The following ELP4 variants were observed in gnomAD, a reference collection of about 807,000 sequenced individuals.
The protein encoded by ELP4 is elongator acetyltransferase complex subunit 4, also known as elongator complex protein 4.
ELP4 carries 51 observed loss-of-function variants against 48.9 expected under a neutral mutation model. The observed-to-expected ratio is 1.04, with a 90% CI of 0.83 to 1.32. The LOEUF is 1.32. Among genes scored for constraint, ELP4 ranks in the 40% most tolerant of loss-of-function variants. The pLI is 0.00. For missense variants in ELP4, 519 were observed against 514.6 expected (o/e 1.01, Z -0.08); for synonymous variants, 210 against 189.2 (o/e 1.11, Z -0.90).
At chr11:31,674,984 A>C (rs919355367) in intron 9 of ELP4, among the ~76,000 whole-genome samples, 1 of 152,162 alleles carries the variant, frequency 6.6e-6, no homozygotes, top group Non-Finnish European at 1.5e-5. Flanking sequence ...GCATGTTTGT[A>C]CACAACGTGG....
chr11:31,692,315 A>C (rs2134140395), intron 9 of ELP4, among the ~76,000 whole-genome samples: 1 of 152,310 alleles, frequency 6.6e-6, no homozygotes, highest in African/African-American at 2.4e-5. Flanking sequence ...AGGAAATTGA[A>C]AGATACAATA....
At chr11:31,530,343 G>T (rs2973128) in intron 2 of ELP4, among the ~76,000 whole-genome samples, 2,335 of 152,228 alleles carry the variant, frequency 0.015, 51 homozygotes, top group African/African-American at 0.054. Context: ...CATTTCATAT[G>T]TACGTAACAA....
Position 31,627,156 on chromosome 11 carries a change from A to G in ELP4, c.700A>G (p.Ile234Val), listed in dbSNP as rs1944761701. 3 of 1,603,474 alleles carry G rather than the reference A, an allele frequency of 1.9e-6. No homozygotes were observed. The highest frequency in any genetic ancestry group is 1.7e-5 in the Admixed American group (1 of 59,240). The change falls in exon 6 of 10, where the codon ATC becomes GTC. Residue 234 changes from isoleucine to valine, a missense_variant. Transcript: ENST00000640961. ...YTKLLQFIQN[I>V]IYEEGFDGSN... ...AAAGCTGCTTCAGTTTATCCAGAAC[A>G]TCATTTATGAGGAAGGATTTGATGG...
chr11:31,579,178 G>T (rs1445889527), intron 3 of ELP4, among the ~76,000 whole-genome samples: 2 of 152,246 alleles, frequency 1.3e-5, no homozygotes, highest in Non-Finnish European at 2.9e-5. Context: ...ACAGACACAT[G>T]AAAAAATGCT....
chr11:31,581,874 T>C (rs1957398948), intron 3 of ELP4, among the ~76,000 whole-genome samples: 1 of 151,982 alleles, frequency 6.6e-6, no homozygotes, highest in Non-Finnish European at 1.5e-5. Flanking sequence ...CCACTCTGCC[T>C]TCCGAGTAGC....
At chr11:31,540,292 A>G (rs1432857032) in intron 3 of ELP4, among the ~76,000 whole-genome samples, 1 of 152,238 alleles carries the variant, frequency 6.6e-6, no homozygotes, top group East Asian at 1.9e-4. Flanking sequence ...TTGAATTTTC[A>G]GCCTGAAACT....
intron 9 of ELP4, among the ~76,000 whole-genome samples, chr11:31,755,134 T>G (rs1947806548): frequency 6.6e-6 from 1 of 152,102 alleles, no homozygotes; most frequent in Non-Finnish European, 1.5e-5. Context: ...CTGAAATAGC[T>G]CCTAATGACC....
At chr11:31,665,522 T>C (rs948095675) in intron 9 of ELP4, among the ~76,000 whole-genome samples, 3 of 152,090 alleles carry the variant, frequency 2.0e-5, no homozygotes, top group African/African-American at 7.2e-5. Flanking sequence ...TATTTATGCT[T>C]TCTAAAATAT....
chr11:31,700,019 G>A (rs1223189698), intron 9 of ELP4, among the ~76,000 whole-genome samples: 2 of 152,056 alleles, frequency 1.3e-5, no homozygotes, highest in Non-Finnish European at 2.9e-5. Flanking sequence ...TTTGAATGAT[G>A]TCTGTAGATT....
chr11:31,667,111 A>G (rs1945696822), intron 9 of ELP4, among the ~76,000 whole-genome samples: 1 of 152,224 alleles, frequency 6.6e-6, no homozygotes, highest in African/African-American at 2.4e-5. Flanking sequence ...TAAGTTTATT[A>G]TAAAATGCAG....
chr11:31,574,669 A>T (rs905057097), intron 3 of ELP4, among the ~76,000 whole-genome samples: 3 of 152,200 alleles, frequency 2.0e-5, no homozygotes, highest in African/African-American at 4.8e-5. Flanking sequence ...ACTCAGGCAA[A>T]CAGGGTCTGG....
intron 9 of ELP4, among the ~76,000 whole-genome samples, chr11:31,709,736 A>T (rs866754922): frequency 2.4e-4 from 37 of 152,206 alleles, no homozygotes; most frequent in African/African-American, 8.9e-4. Flanking sequence ...TGAATTGCCT[A>T]ATACAATAAC....
chr11:31,574,601 C>G (rs1957240490), intron 3 of ELP4, among the ~76,000 whole-genome samples: 1 of 152,176 alleles, frequency 6.6e-6, no homozygotes, highest in South Asian at 2.1e-4. Flanking sequence ...GAGGAAGGAT[C>G]AGACAGCAAC....
intron 3 of ELP4, among the ~76,000 whole-genome samples, chr11:31,577,111 C>T (rs1220425357): frequency 6.6e-6 from 1 of 152,016 alleles, no homozygotes; most frequent in African/African-American, 2.4e-5. Flanking sequence ...ATATCACCAC[C>T]GATCCCACAG....
chr11:31,543,520 C>T (rs1191915184), intron 3 of ELP4, among the ~76,000 whole-genome samples: 3 of 152,016 alleles, frequency 2.0e-5, no homozygotes, highest in African/African-American at 4.8e-5. Context: ...GGGGTTTCAC[C>T]GTGTTAGCCA....
intron 5 of ELP4, among the ~76,000 whole-genome samples, chr11:31,615,188 T>G (rs1295781103): frequency 6.6e-6 from 1 of 152,156 alleles, no homozygotes; most frequent in Non-Finnish European, 1.5e-5. Flanking sequence ...GCAACTTTTA[T>G]GTAAGTTTGA....
At chr11:31,693,699 A>G (rs2134143118) in intron 9 of ELP4, among the ~76,000 whole-genome samples, 1 of 152,286 alleles carries the variant, frequency 6.6e-6, no homozygotes, top group South Asian at 2.1e-4. Context: ...GCTGGGTCAA[A>G]TAGTATTTCT....
intron 5 of ELP4, among the ~76,000 whole-genome samples, chr11:31,611,964 T>C (rs925139838): frequency 2.0e-5 from 3 of 152,154 alleles, no homozygotes; most frequent in Non-Finnish European, 2.9e-5. Context: ...AATCATGCAA[T>C]GGGCACTGGG....
chr11:31,760,094 A>G (rs1313827770), intron 9 of ELP4, among the ~76,000 whole-genome samples: 1 of 152,230 alleles, frequency 6.6e-6, no homozygotes, highest in Admixed American at 6.5e-5. Flanking sequence ...CCTGACTACC[A>G]TAAAGATATA....
Sources: gnomAD v4.1 joint callset for allele counts (sites outside exome capture counted in the v4.1 genomes callset) on GRCh38, gnomAD v4.1.1 for gene constraint, MANE v1.5 for transcripts, NCBI Gene and HGNC (gene_info 2026-07-23, HGNC 2026-07-21) for gene names.